The following ARHGAP15 variants were observed in gnomAD, a reference collection of about 807,000 sequenced individuals.
ARHGAP15 encodes the protein Rho GTPase activating protein 15, also known as rho GTPase-activating protein 15.
Under a neutral mutation model 63.7 loss-of-function variants are expected in ARHGAP15, and 51 were observed. The ratio of observed to expected loss-of-function variants is 0.80; its 90% CI spans 0.64 to 1.01. The LOEUF is 1.01. Among genes scored for constraint, ARHGAP15 ranks in the 50% least tolerant of loss-of-function variants. The pLI is 0.00. For missense variants in ARHGAP15, 560 were observed against 564.6 expected, an observed-to-expected ratio of 0.99 and a Z score of 0.08; for synonymous variants, 191 against 193.8, an observed-to-expected ratio of 0.99 and a Z score of 0.12.
intron 13 of ARHGAP15, among the ~76,000 whole-genome samples, chr2:143,730,045 C>T (rs1346475201): frequency 6.6e-6 from 1 of 152,142 alleles, no homozygotes; most frequent in Non-Finnish European, 1.5e-5. Flanking sequence ...GAATTGAGAA[C>T]AGAGGAAAAT....
At chr2:143,262,243 A>G (rs1048729600) in intron 6 of ARHGAP15, among the ~76,000 whole-genome samples, 6 of 152,150 alleles carry the variant, frequency 3.9e-5, no homozygotes, top group South Asian at 2.1e-4. Context: ...ACCGCTTGCA[A>G]TATTCAAATT....
chr2:143,566,887 C>G (rs558576993), intron 11 of ARHGAP15, among the ~76,000 whole-genome samples: 1 of 138,082 alleles, frequency 7.2e-6, no homozygotes, highest in Admixed American at 6.9e-5. Context: ...AACTGCCTTG[C>G]TGCTGCTTTT....
intron 6 of ARHGAP15, among the ~76,000 whole-genome samples, chr2:143,395,709 C>G (rs192959712): frequency 5.3e-5 from 8 of 152,100 alleles, no homozygotes; most frequent in African/African-American, 2.4e-5. Flanking sequence ...AAAAGTATCT[C>G]ATTCAGTGGC....
At chr2:143,279,948 A>G (rs1681758366) in intron 6 of ARHGAP15, among the ~76,000 whole-genome samples, 2 of 152,132 alleles carry the variant, frequency 1.3e-5, no homozygotes, top group South Asian at 4.1e-4. Flanking sequence ...CACTGGATCC[A>G]CTGGAGATCT....
At chr2:143,155,276 T>G (rs1690032150) in intron 1 of ARHGAP15, among the ~76,000 whole-genome samples, 1 of 151,918 alleles carries the variant, frequency 6.6e-6, no homozygotes, top group South Asian at 2.1e-4. Context: ...TCCTCTGTTA[T>G]GTATAGTGCT....
intron 8 of ARHGAP15, among the ~76,000 whole-genome samples, chr2:143,442,334 A>G (rs550474741): frequency 2.6e-5 from 4 of 152,272 alleles, no homozygotes; most frequent in African/African-American, 7.2e-5. Context: ...TGTTGTTTCT[A>G]GGGAACAACT....
At chr2:143,473,797 C>G (rs1469144001) in intron 8 of ARHGAP15, among the ~76,000 whole-genome samples, 1 of 152,132 alleles carries the variant, frequency 6.6e-6, no homozygotes, top group Non-Finnish European at 1.5e-5. Context: ...GTCATTTAAT[C>G]TGTGCATTTC....
intron 13 of ARHGAP15, among the ~76,000 whole-genome samples, chr2:143,715,036 A>T (rs796425141): frequency 5.9e-5 from 9 of 152,220 alleles, no homozygotes; most frequent in African/African-American, 2.2e-4. Context: ...AATTTACTGT[A>T]TCAGTCCATT....
chr2:143,407,987 GTATATATATATATA>G (rs58194704), intron 6 of ARHGAP15, among the ~76,000 whole-genome samples: 1,597 of 77,494 alleles, frequency 0.021, 49 homozygotes, highest in Non-Finnish European at 0.032. Flanking sequence ...TTCTGTGTGT[GTATATATATATATA>G]TATATATATA....
chr2:143,182,288 T>C (rs1281938317), intron 2 of ARHGAP15, among the ~76,000 whole-genome samples: 2 of 152,156 alleles, frequency 1.3e-5, no homozygotes, highest in East Asian at 3.8e-4. Flanking sequence ...CAGGCCATTG[T>C]AGGGTTATTC....
intron 11 of ARHGAP15, among the ~76,000 whole-genome samples, chr2:143,586,568 T>C (rs1697116992): frequency 6.6e-6 from 1 of 152,122 alleles, no homozygotes; most frequent in African/African-American, 2.4e-5. Flanking sequence ...TTGACATTTA[T>C]AGGGATTTGT....
chr2:143,346,418 CG>C (rs1685304064), intron 6 of ARHGAP15, among the ~76,000 whole-genome samples: 1 of 152,008 alleles, frequency 6.6e-6, no homozygotes, highest in South Asian at 2.1e-4. Flanking sequence ...ACAAACACCA[CG>C]GATTCTTTAT....
At chr2:143,279,109 G>C (rs1427571495) in intron 6 of ARHGAP15, among the ~76,000 whole-genome samples, 1 of 152,104 alleles carries the variant, frequency 6.6e-6, no homozygotes, top group African/African-American at 2.4e-5. Flanking sequence ...GGATTAATTA[G>C]ATAAAGTCTT....
chr2:143,371,633 C>T (rs1686559482), intron 6 of ARHGAP15, among the ~76,000 whole-genome samples: 1 of 152,120 alleles, frequency 6.6e-6, no homozygotes, highest in Admixed American at 6.6e-5. Context: ...CTCCAATTTT[C>T]TTTTTCTTTT....
chr2:143,332,645 G>T (rs549581673), intron 6 of ARHGAP15, among the ~76,000 whole-genome samples: 5 of 152,220 alleles, frequency 3.3e-5, no homozygotes, highest in African/African-American at 1.2e-4. Context: ...TCATGAAAGT[G>T]TTTTTCATAA....
intron 2 of ARHGAP15, among the ~76,000 whole-genome samples, chr2:143,196,237 A>G (rs1691881867): frequency 1.3e-5 from 2 of 152,038 alleles, no homozygotes. Context: ...GGGTGGTGAT[A>G]AATAAGGAAA....
chr2:143,325,251 T>C (rs1335044913), intron 6 of ARHGAP15, among the ~76,000 whole-genome samples: 1 of 152,154 alleles, frequency 6.6e-6, no homozygotes, highest in Non-Finnish European at 1.5e-5. Context: ...AAACAGACAT[T>C]ATAAATGAAG....
intron 11 of ARHGAP15, among the ~76,000 whole-genome samples, chr2:143,581,078 G>T (rs1696882977): frequency 6.6e-6 from 1 of 152,042 alleles, no homozygotes; most frequent in South Asian, 2.1e-4. Flanking sequence ...AATGTGATCA[G>T]TAACTTGACT....
chr2:143,151,235 A>C (rs1273539049), intron 1 of ARHGAP15, among the ~76,000 whole-genome samples: 1 of 152,004 alleles, frequency 6.6e-6, no homozygotes, highest in African/African-American at 2.4e-5. Context: ...CAGGCTTTGC[A>C]ATGGAGTTTC....
Sources: gnomAD v4.1 joint callset for allele counts (sites outside exome capture counted in the v4.1 genomes callset) on GRCh38, gnomAD v4.1.1 for gene constraint, MANE v1.5 for transcripts, NCBI Gene and HGNC (gene_info 2026-07-23, HGNC 2026-07-21) for gene names.